ORC4: variants seen among roughly 807,000 people sequenced by gnomAD.
The protein encoded by ORC4 is origin recognition complex subunit 4.
Under a neutral mutation model 63.9 loss-of-function variants are expected in ORC4, and 55 were observed. The ratio of observed to expected loss-of-function variants is 0.86; its 90% confidence interval spans 0.69 to 1.08. The LOEUF (loss-of-function observed/expected upper bound fraction) is 1.08, where lower values mean the gene tolerates loss of function less well. Among genes scored for constraint, ORC4 ranks in the 50% least tolerant of loss-of-function variants. The pLI is 0.00. For synonymous variants in ORC4, 150 were observed against 168.5 expected, an observed-to-expected ratio of 0.89 and a Z score of 0.85; for missense variants, 511 against 504.4, an observed-to-expected ratio of 1.01 and a Z score of -0.13.
In ORC4 at chr2:147,943,506, C is replaced by T; in HGVS notation, c.779G>A (p.Arg260Lys). ...NENVQYLSEDRSVQEVLQKHF... is the reference protein window; with the variant it reads ...NENVQYLSEDKSVQEVLQKHF... ...CTTCTGTAGTACTTCTTGCACACTT[C>T]TATCTTCTGAGAGATACTAAAAGGA... Residue 260 changes from arginine (R) to lysine (K), a missense_variant, in exon 10 of 14, where the codon AGA (arginine) becomes AAA (lysine). Arg to Lys is a conservative substitution (Grantham distance 26, BLOSUM62 2). Coordinates refer to ENST00000392857, the MANE Select transcript of ORC4 (RefSeq NM_181741.4). 6.9e-7 allele frequency: 1 copy of T among 1,452,578 alleles called. No homozygotes were observed. The allele number at this position is 1,452,578 out of a possible 1,614,324, so 90.0% of individuals were successfully genotyped here. A position where few individuals can be genotyped will look rare whatever the true frequency, so the allele number is the denominator to read the frequency against.
At chr2:147,961,691 T>C (rs1000487451) in intron 4 of ORC4, among the ~76,000 whole-genome samples, 2 of 152,144 alleles carry the variant, frequency 1.3e-5, no homozygotes, top group African/African-American at 4.8e-5. Context: ...GATTCCACTA[T>C]AGTGAAAATA....
chr2:147,942,477 T>C (rs1227115119), intron 10 of ORC4, among the ~76,000 whole-genome samples: 5 of 152,074 alleles, frequency 3.3e-5, no homozygotes, highest in African/African-American at 7.2e-5. Context: ...TAATCAAATA[T>C]ATCAACAGGT....
intron 1 of ORC4, among the ~76,000 whole-genome samples, chr2:147,990,248 CAAAT>C (rs1691502352): frequency 6.6e-6 from 1 of 152,138 alleles, no homozygotes; most frequent in South Asian, 2.1e-4. Flanking sequence ...GCTAAACAGT[CAAAT>C]AACGTAAAAT....
intron 1 of ORC4, among the ~76,000 whole-genome samples, chr2:147,988,808 A>G (rs1484263613): frequency 6.7e-6 from 1 of 148,246 alleles, no homozygotes; most frequent in African/African-American, 2.5e-5. Context: ...AAAAAAAAAG[A>G]TTTACTTCAT....
intron 13 of ORC4, chr2:147,936,773 C>A (rs572134292): frequency 6.6e-6 from 1 of 152,290 alleles, no homozygotes; most frequent in East Asian, 1.9e-4. Context: ...GTAATCCCAG[C>A]ACTTTGGGAG....
chr2:147,995,294 G>GCACC (rs2105414733), intron 1 of ORC4, among the ~76,000 whole-genome samples: 1 of 152,062 alleles, frequency 6.6e-6, no homozygotes, highest in Admixed American at 6.5e-5. Context: ...GATTGTAAAT[G>GCACC]CACCAATCAG....
At chr2:147,991,156 TC>T (rs1691566394) in intron 1 of ORC4, among the ~76,000 whole-genome samples, 1 of 151,582 alleles carries the variant, frequency 6.6e-6, no homozygotes, top group Non-Finnish European at 1.5e-5. Flanking sequence ...CAAGCGATTC[TC>T]CTGCCTCAGC....
At chr2:147,970,615 CAA>C (rs58097452) in intron 4 of ORC4, among the ~76,000 whole-genome samples, 2 of 118,776 alleles carry the variant, frequency 1.7e-5, no homozygotes. Flanking sequence ...CATTCATTTG[CAA>C]AAAAAAAAAA....
chr2:147,943,799 T>C (rs2105273198), intron 9 of ORC4, among the ~76,000 whole-genome samples: 1 of 152,260 alleles, frequency 6.6e-6, no homozygotes, highest in South Asian at 2.1e-4. Flanking sequence ...GGGAAACTAC[T>C]ACACAGTCAT....
chr2:147,995,422 G>C (rs899551722), intron 1 of ORC4, among the ~76,000 whole-genome samples: 1 of 152,174 alleles, frequency 6.6e-6, no homozygotes, highest in Admixed American at 6.5e-5. Context: ...TGTGCGTGGG[G>C]CCAAATAAGG....
intron 4 of ORC4, among the ~76,000 whole-genome samples, chr2:147,969,780 C>A (rs1690104582): frequency 6.6e-6 from 1 of 151,640 alleles, no homozygotes. Flanking sequence ...GTGAACAATA[C>A]CCTCTAAATT....
At chr2:148,002,074 T>C (rs896858801) in intron 1 of ORC4, among the ~76,000 whole-genome samples, 1 of 152,116 alleles carries the variant, frequency 6.6e-6, no homozygotes, top group African/African-American at 2.4e-5. Flanking sequence ...CCTAAATATA[T>C]ATGCACCCAA....
chr2:147,952,532 A>T lies in ORC4; in HGVS notation c.437-8T>A. On this transcript the variant is annotated splice_region_variant and splice_polypyrimidine_tract_variant and intron_variant, in intron 7 of 13. Transcript: ENST00000392857. ...AACTGCTAGTTCGGTCACCTAAGAT[A>T]AAATAAGAGCATTACATTAATAAGA... is the stretch of plus-strand genomic sequence containing the variant. 1 of 1,590,622 alleles carries T rather than the reference A, an allele frequency of 6.3e-7. No homozygotes were observed. The highest frequency in any genetic ancestry group is 8.6e-7 in the Non-Finnish European group (1 of 1,158,718).
chr2:147,976,031 A>C, intron 1 of ORC4, 56 bp from the exon 2 acceptor site: 5 of 872,430 alleles, frequency 5.7e-6, no homozygotes, highest in Non-Finnish European at 7.9e-6. Flanking sequence ...AGATTACTTA[A>C]GAATTTACTG....
chr2:147,966,197 TAAGG>T (rs2105333563), intron 4 of ORC4, among the ~76,000 whole-genome samples: 1 of 151,972 alleles, frequency 6.6e-6, no homozygotes, highest in Non-Finnish European at 1.5e-5. Flanking sequence ...TACTAAAACT[TAAGG>T]AACACACAGC....
intron 4 of ORC4, among the ~76,000 whole-genome samples, chr2:147,963,694 G>GT (rs1401890977): frequency 6.6e-6 from 1 of 152,062 alleles, no homozygotes; most frequent in Non-Finnish European, 1.5e-5. Context: ...ATCTGCCAGT[G>GT]TGTCAGATCC....
chr2:147,999,250 G>T (rs1692157229), intron 1 of ORC4, among the ~76,000 whole-genome samples: 1 of 152,142 alleles, frequency 6.6e-6, no homozygotes, highest in South Asian at 2.1e-4. Flanking sequence ...TAAGACAGAA[G>T]AAATCTACCC....
chr2:147,994,022 G>A (rs1573867263), intron 1 of ORC4, among the ~76,000 whole-genome samples: 1 of 152,118 alleles, frequency 6.6e-6, no homozygotes, highest in East Asian at 1.9e-4. Flanking sequence ...CAGGATACAA[G>A]GTTAATATAC....
At chr2:147,954,119 A>C (rs1262181646) in intron 7 of ORC4, among the ~76,000 whole-genome samples, 2 of 151,920 alleles carry the variant, frequency 1.3e-5, no homozygotes, top group African/African-American at 4.8e-5. Flanking sequence ...AAGGAGAGAA[A>C]AAACTTTCTA....
Sources: gnomAD v4.1 joint callset for allele counts (sites outside exome capture counted in the v4.1 genomes callset) on GRCh38, gnomAD v4.1.1 for gene constraint, MANE v1.5 for transcripts, NCBI Gene and HGNC (gene_info 2026-07-23, HGNC 2026-07-21) for gene names.